Variants in RFC1 observed in about 807,000 individuals in gnomAD.
RFC1 encodes the protein A1 140 kDa subunit.
In RFC1, 37 loss-of-function variants were observed where a neutral mutation model predicts 137.4. The ratio of observed to expected loss-of-function variants is 0.27; its 90% confidence interval spans 0.21 to 0.35. The LOEUF (loss-of-function observed/expected upper bound fraction) is 0.35. Ranked by LOEUF, RFC1 falls within the 10% of genes least tolerant of loss-of-function variation. The pLI, the probability that RFC1 is intolerant of heterozygous loss-of-function variation, is 1.00. For synonymous variants in RFC1, 429 were observed against 455.7 expected, an observed-to-expected ratio of 0.94 and a Z score of 0.75; for missense variants, 1,205 against 1,358.5, an observed-to-expected ratio of 0.89 and a Z score of 1.78.
chr4:39,309,451 C>T (rs1738856460), intron 12 of RFC1, among the ~76,000 whole-genome samples: 1 of 152,066 alleles, frequency 6.6e-6, no homozygotes, highest in African/African-American at 2.4e-5. Flanking sequence ...GAAAAAGAAA[C>T]AAAATAGGAT....
chr4:39,338,052 C>T (rs1411297450), intron 4 of RFC1, among the ~76,000 whole-genome samples: 1 of 152,186 alleles, frequency 6.6e-6, no homozygotes, highest in Non-Finnish European at 1.5e-5. Context: ...AGGTCTCTCA[C>T]TTCATTAAAC....
chr4:39,293,515 T>C (rs1253589933), intron 22 of RFC1, among the ~76,000 whole-genome samples: 1 of 152,168 alleles, frequency 6.6e-6, no homozygotes, highest in Non-Finnish European at 1.5e-5. Context: ...TTCCATTTTT[T>C]AAAGAAGAGA....
rs1737453656 is a variant in RFC1, at chr4:39,287,810, G to A, written c.*951C>T. 6.6e-6 allele frequency: 1 copy of A among 152,188 alleles called. No homozygotes were observed. Among genetic ancestry groups the A allele is most frequent in the Non-Finnish European group, 1.5e-5 (1 of 68,048 alleles). 9.4% of individuals were successfully genotyped at this position (152,188 alleles called of 1,614,324 possible). A position where few individuals can be genotyped will look rare whatever the true frequency, so the allele number is the denominator to read the frequency against. ...TCACAGGACAGGACTAGATCTCTCA[G>A]GGGCAAAGTGAACAAAAGCCAGTGT... On this transcript the variant is annotated 3_prime_UTR_variant, in exon 25 of 25. Coordinates refer to ENST00000349703, the MANE Select transcript of RFC1 (RefSeq NM_002913.5).
In RFC1 at chr4:39,342,476, G is replaced by A; in HGVS notation, c.209-9C>T. The A allele has an allele frequency of 6.2e-7, 1 of 1,609,476 alleles. No homozygotes were observed. Among genetic ancestry groups the A allele is most frequent in the Non-Finnish European group, 8.5e-7 (1 of 1,177,760 alleles). On this transcript the variant is annotated splice_polypyrimidine_tract_variant and intron_variant, in intron 3 of 24. Transcript: ENST00000349703. ...CTCCTCTGACTCTGAATCTGTATGTGAGAGAAAAATAAAACAAAACTTTGA... is the reference window on the plus strand; with the variant it reads ...CTCCTCTGACTCTGAATCTGTATGTAAGAGAAAAATAAAACAAAACTTTGA...
chr4:39,323,939 T>G (rs1739641155), intron 6 of RFC1, among the ~76,000 whole-genome samples: 1 of 152,210 alleles, frequency 6.6e-6, no homozygotes, highest in Non-Finnish European at 1.5e-5. Flanking sequence ...TTCAAATGCA[T>G]CTGTTCTCAC....
chr4:39,348,115 CGTATTTCA>C (rs1740950091), intron 2 of RFC1, among the ~76,000 whole-genome samples: 1 of 151,944 alleles, frequency 6.6e-6, no homozygotes, highest in South Asian at 2.1e-4. Context: ...TCAGCCTGTC[CGTATTTCA>C]GAAAATGAAA....
intron 1 of RFC1, among the ~76,000 whole-genome samples, chr4:39,359,746 C>CT (rs1194103920): frequency 6.6e-6 from 1 of 151,162 alleles, no homozygotes; most frequent in East Asian, 1.9e-4. Context: ...GGCATGAACC[C>CT]GGGAGGCGGA....
At chr4:39,294,154 C>CGAAA (rs1737847588) in intron 22 of RFC1, among the ~76,000 whole-genome samples, 4 of 152,130 alleles carry the variant, frequency 2.6e-5, no homozygotes, top group Admixed American at 2.6e-4. Context: ...GTTGTAATTT[C>CGAAA]TTACAACAGC....
chr4:39,319,368 G>A (rs923925206), intron 9 of RFC1, among the ~76,000 whole-genome samples: 3 of 152,162 alleles, frequency 2.0e-5, no homozygotes, highest in Admixed American at 6.5e-5. Context: ...CCACTTACCA[G>A]GTGGATGATC....
At chr4:39,303,025 A>G in intron 16 of RFC1, 35 bp downstream of exon 16, 2 of 1,536,560 alleles carry the variant, frequency 1.3e-6, no homozygotes, top group Non-Finnish European at 1.8e-6. Context: ...TAAATTATCA[A>G]CAGTGAAACT....
chr4:39,301,277 G>A (rs867004305), intron 19 of RFC1, among the ~76,000 whole-genome samples: 3 of 152,176 alleles, frequency 2.0e-5, no homozygotes, highest in Non-Finnish European at 2.9e-5. Flanking sequence ...GGGTTGTAGG[G>A]AGGAAAGCGG....
At chr4:39,304,618 T>C (rs1219453365) in intron 15 of RFC1, among the ~76,000 whole-genome samples, 196 bp downstream of exon 15, 1 of 152,206 alleles carries the variant, frequency 6.6e-6, no homozygotes, top group Non-Finnish European at 1.5e-5. Context: ...ATCACATTCT[T>C]AGAAACCTCT....
At chr4:39,336,017 AT>A (rs1246877301) in intron 4 of RFC1, among the ~76,000 whole-genome samples, 1 of 152,162 alleles carries the variant, frequency 6.6e-6, no homozygotes, top group Non-Finnish European at 1.5e-5. Context: ...CAGTCTGTTC[AT>A]TTTCAAAGAT....
chr4:39,349,253 G>A (rs1741063722), intron 2 of RFC1, among the ~76,000 whole-genome samples: 1 of 152,174 alleles, frequency 6.6e-6, no homozygotes, highest in Non-Finnish European at 1.5e-5. Context: ...GCCATGGATG[G>A]AATGTTATAT....
chr4:39,304,714 G>A (rs759684582), intron 15 of RFC1, 100 bp downstream of exon 15: 14 of 761,272 alleles, frequency 1.8e-5, no homozygotes, highest in East Asian at 9.9e-5. Context: ...AATTTAGTAG[G>A]GTGCTTGGCA....
chr4:39,327,896 C>A, intron 4 of RFC1, 140 bp from the exon 5 acceptor site: 2 of 646,572 alleles, frequency 3.1e-6, no homozygotes, highest in Non-Finnish European at 5.2e-6. Context: ...CTTTTGGAGA[C>A]CAAGATAGGA....
chr4:39,323,283 T>A lies in RFC1; in HGVS notation c.720+57A>T, dbSNP rs945608523. The A allele has an allele frequency of 3.0e-6, 4 of 1,349,986 alleles. No homozygotes were observed. In the African/African-American group the frequency reaches 5.8e-5, roughly 20 times the overall value. 83.6% of individuals were successfully genotyped at this position (1,349,986 alleles called of 1,614,324 possible). A position where few individuals can be genotyped will look rare whatever the true frequency, so the allele number is the denominator to read the frequency against. ...TTGGCTAGAGCCTAGAACACGCAAG[T>A]ATGAACACTGATCTGTACTGTATAT... On this transcript the variant is annotated intron_variant, in intron 7 of 24. Coordinates refer to ENST00000349703, the MANE Select transcript of RFC1 (RefSeq NM_002913.5).
chr4:39,306,258 G>A (rs1259649931), intron 14 of RFC1, among the ~76,000 whole-genome samples: 1 of 152,152 alleles, frequency 6.6e-6, no homozygotes, highest in Non-Finnish European at 1.5e-5. Context: ...TCAGTACACA[G>A]AATTATTCAA....
intron 23 of RFC1, among the ~76,000 whole-genome samples, chr4:39,291,230 G>T (rs1036493452): frequency 4.6e-5 from 7 of 152,198 alleles, no homozygotes; most frequent in Non-Finnish European, 8.8e-5. Flanking sequence ...TGAATCCACA[G>T]ATTAGGTAGA....
Sources: allele counts gnomAD v4.1 joint callset (sites outside exome capture counted in the v4.1 genomes callset), GRCh38; gene constraint gnomAD v4.1.1; transcripts MANE v1.5; gene names NCBI Gene and HGNC (gene_info 2026-07-23, HGNC 2026-07-21).